ITPRID1: variants seen among roughly 807,000 people sequenced by gnomAD.
ITPRID1 encodes the protein protein ITPRID1.
Under a neutral mutation model 95.4 loss-of-function variants are expected in ITPRID1, and 96 were observed. That is an observed-to-expected ratio of 1.01 (90% CI 0.85 to 1.19). ITPRID1 has a LOEUF of 1.19. Among genes scored for constraint, ITPRID1 ranks in the 50% most tolerant of loss-of-function variants. The probability of loss-of-function intolerance (pLI) is 0.00; values close to 1 mark genes in which losing one functional copy is unlikely to be tolerated. For missense variants in ITPRID1, 1,339 were observed against 1,252.9 expected, an observed-to-expected ratio of 1.07 and a Z score of -1.04; for synonymous variants, 510 against 453.6, an observed-to-expected ratio of 1.12 and a Z score of -1.58.
chr7:31,617,003 T>G (rs889942390), intron 10 of ITPRID1, among the ~76,000 whole-genome samples: 9 of 152,164 alleles, frequency 5.9e-5, no homozygotes, highest in Admixed American at 5.2e-4. Context: ...ATATTCCAAG[T>G]GCATTCTTCT....
At position 31,655,072 on chromosome 7, in the gene ITPRID1, CCTG is replaced by C. The variant is rs1791231550; in HGVS notation, c.*2244_*2246del. 6.6e-6 allele frequency among the ~76,000 whole-genome samples: 1 copy of C among 152,142 alleles called. No individual in the cohort carries two copies. Among genetic ancestry groups the C allele is most frequent in the African/African-American group, 2.4e-5 (1 of 41,426 alleles). On this transcript the variant is annotated 3_prime_UTR_variant, in exon 15 of 15. Coordinates refer to ENST00000615280, the MANE Select transcript of ITPRID1 (RefSeq NM_001257967.3). ...CACACACTCTCCAAGCATCTATGAC[CCTG>C]ATTCCCAGCTCTCTCCAGTATCCCA...
intron 10 of ITPRID1, among the ~76,000 whole-genome samples, chr7:31,623,538 T>C (rs1340339588): frequency 3.3e-5 from 5 of 151,730 alleles, no homozygotes; most frequent in Non-Finnish European, 5.9e-5. Flanking sequence ...GAAAAGGCCT[T>C]TGACAAAATT....
chr7:31,559,616 G>C (rs1205676168), intron 5 of ITPRID1, among the ~76,000 whole-genome samples: 1 of 152,136 alleles, frequency 6.6e-6, no homozygotes, highest in Non-Finnish European at 1.5e-5. Flanking sequence ...AGTGAGCAGA[G>C]ATCATGCCAC....
intron 1 of ITPRID1, among the ~76,000 whole-genome samples, chr7:31,525,011 T>C (rs1783379542): frequency 6.6e-6 from 1 of 152,210 alleles, no homozygotes; most frequent in Non-Finnish European, 1.5e-5. Flanking sequence ...GTATCCAAAC[T>C]GACTGTGCAA....
At chr7:31,626,052 A>G (rs181857392) in intron 10 of ITPRID1, among the ~76,000 whole-genome samples, 3 of 152,346 alleles carry the variant, frequency 2.0e-5, no homozygotes, top group South Asian at 2.1e-4. Flanking sequence ...AAGGATTCCA[A>G]GTTGATTCTA....
At chr7:31,629,672 C>G (rs891241056) in intron 10 of ITPRID1, among the ~76,000 whole-genome samples, 1 of 152,110 alleles carries the variant, frequency 6.6e-6, no homozygotes, top group Admixed American at 6.5e-5. Context: ...GCTCACTCAC[C>G]TCTCAAAAAG....
At chr7:31,628,428 G>C (rs1382050763) in intron 10 of ITPRID1, among the ~76,000 whole-genome samples, 7 of 151,790 alleles carry the variant, frequency 4.6e-5, no homozygotes, top group Admixed American at 4.6e-4. Context: ...CAGCTAGGAA[G>C]AGAAACACAA....
At chr7:31,528,292 T>C (rs2191336) in intron 1 of ITPRID1, among the ~76,000 whole-genome samples, 19,215 of 152,224 alleles carry the variant, frequency 0.13, 1,641 homozygotes, top group East Asian at 0.23. Flanking sequence ...CTATGCCCAG[T>C]TTTATTTTAA....
At chr7:31,585,806 A>G (rs1298728080) in intron 10 of ITPRID1, among the ~76,000 whole-genome samples, 2 of 152,224 alleles carry the variant, frequency 1.3e-5, no homozygotes, top group African/African-American at 4.8e-5. Context: ...CCACTAAAAA[A>G]GAATGATTAC....
downstream of ITPRID1, chr7:31,658,531 A>T: frequency 1.7e-6 from 1 of 592,694 alleles, no homozygotes; most frequent in Non-Finnish European, 2.5e-6. Context: ...TTCATGTGGA[A>T]TGGTGGGTTG....
intron 10 of ITPRID1, among the ~76,000 whole-genome samples, chr7:31,618,667 G>T (rs1787504115): frequency 6.6e-6 from 1 of 152,124 alleles, no homozygotes; most frequent in Admixed American, 6.5e-5. Context: ...AATTATAGTT[G>T]AGTATTAGGG....
chr7:31,634,708 G>C (rs1424059253), intron 10 of ITPRID1, among the ~76,000 whole-genome samples: 2 of 152,096 alleles, frequency 1.3e-5, no homozygotes, highest in Non-Finnish European at 2.9e-5. Flanking sequence ...AATTGTGCAG[G>C]GCTTGGTGGT....
At chr7:31,602,050 T>C (rs1484146578) in intron 10 of ITPRID1, among the ~76,000 whole-genome samples, 2 of 152,194 alleles carry the variant, frequency 1.3e-5, no homozygotes, top group African/African-American at 4.8e-5. Context: ...GTTTTTTTTT[T>C]CTTCCTTGGC....
chr7:31,651,124 C>T lies in ITPRID1; in HGVS notation c.2584-18C>T. The T allele has an allele frequency of 2.5e-6, 4 of 1,608,086 alleles. No homozygotes were observed. Among genetic ancestry groups the T allele is most frequent in the Non-Finnish European group, 2.5e-6 (3 of 1,177,100 alleles). ...ATCAGAGAGGACTTTCTTCTCAGTT[C>T]TTTCTCATTGTTCTCAGTGCACAGT... On this transcript the variant is annotated intron_variant, in intron 12 of 14. Coordinates refer to ENST00000615280, the MANE Select transcript of ITPRID1 (RefSeq NM_001257967.3).
chr7:31,658,333 A>G, downstream of ITPRID1: 2 of 1,523,450 alleles, frequency 1.3e-6, no homozygotes, highest in Non-Finnish European at 1.8e-6. Context: ...TAACTCTGCT[A>G]AAGATGAAAA....
chr7:31,617,652 GGA>G (rs1458673419), intron 10 of ITPRID1, among the ~76,000 whole-genome samples: 4 of 426 alleles, frequency 9.4e-3, no homozygotes, highest in African/African-American at 0.014. Context: ...ATCTTTTAAA[GGA>G]AAAAAAAACC....
intron 7 of ITPRID1, among the ~76,000 whole-genome samples, chr7:31,573,755 T>C (rs1347750418): frequency 6.6e-6 from 1 of 151,342 alleles, no homozygotes; most frequent in Non-Finnish European, 1.5e-5. Context: ...ATACATAATA[T>C]AACTATTTAT....
chr7:31,528,201 G>A (rs763185809), intron 1 of ITPRID1, among the ~76,000 whole-genome samples: 1 of 152,154 alleles, frequency 6.6e-6, no homozygotes, highest in Non-Finnish European at 1.5e-5. Flanking sequence ...ACAAAAATAA[G>A]TTATATGAAT....
intron 12 of ITPRID1, among the ~76,000 whole-genome samples, chr7:31,647,754 T>A (rs1337568220): frequency 6.7e-6 from 1 of 150,296 alleles, no homozygotes; most frequent in Non-Finnish European, 1.5e-5. Context: ...TCTGAGCAGA[T>A]GTTGAAACTA....
Sources: allele counts gnomAD v4.1 joint callset (sites outside exome capture counted in the v4.1 genomes callset), GRCh38; gene constraint gnomAD v4.1.1; transcripts MANE v1.5; gene names NCBI Gene and HGNC (gene_info 2026-07-23, HGNC 2026-07-21).